FHOD3: variants seen among roughly 807,000 people sequenced by gnomAD.
FHOD3 encodes FH1/FH2 domain-containing protein 3.
A neutral mutation model predicts 173.0 loss-of-function variants in FHOD3; 90 were observed. That is an observed-to-expected ratio of 0.52 (90% CI 0.44 to 0.62). The LOEUF (loss-of-function observed/expected upper bound fraction) is 0.62. FHOD3 is among the 20% of genes least tolerant of loss of function. The probability of loss-of-function intolerance (pLI) is 0.00; values close to 1 mark genes in which losing one functional copy is unlikely to be tolerated. For missense variants in FHOD3, 1,945 were observed against 2,034.7 expected, an observed-to-expected ratio of 0.96 and a Z score of 0.85; for synonymous variants, 828 against 823.0, an observed-to-expected ratio of 1.01 and a Z score of -0.10.
intron 10 of FHOD3, among the ~76,000 whole-genome samples, chr18:36,626,635 C>T (rs2034131016): frequency 1.3e-5 from 2 of 152,166 alleles, no homozygotes; most frequent in South Asian, 4.2e-4. Flanking sequence ...ACATTCCCAT[C>T]CTGCTGCTGA....
chr18:36,772,875 C>A (rs1212531750), intron 28 of FHOD3, among the ~76,000 whole-genome samples: 1 of 152,238 alleles, frequency 6.6e-6, no homozygotes, highest in Non-Finnish European at 1.5e-5. Context: ...TCCAGTAGCA[C>A]CTACTAATTT....
At chr18:36,549,020 T>C (rs1016909478) in intron 5 of FHOD3, among the ~76,000 whole-genome samples, 1 of 152,274 alleles carries the variant, frequency 6.6e-6, no homozygotes, top group Non-Finnish European at 1.5e-5. Flanking sequence ...AAAGGAGTTG[T>C]ACTATTTCAT....
At chr18:36,373,506 C>T (rs1395430849) in intron 3 of FHOD3, among the ~76,000 whole-genome samples, 1 of 152,172 alleles carries the variant, frequency 6.6e-6, no homozygotes, top group East Asian at 1.9e-4. Flanking sequence ...CACTCTGCTT[C>T]CCTATTGGAG....
intron 11 of FHOD3, among the ~76,000 whole-genome samples, chr18:36,650,277 A>G (rs1345374485): frequency 6.6e-6 from 1 of 152,094 alleles, no homozygotes; most frequent in Non-Finnish European, 1.5e-5. Context: ...ATCTTTGCCA[A>G]CTTTAGATTT....
At chr18:36,581,815 A>G (rs2058862934) in intron 6 of FHOD3, among the ~76,000 whole-genome samples, 1 of 152,210 alleles carries the variant, frequency 6.6e-6, no homozygotes, top group Non-Finnish European at 1.5e-5. Context: ...TAGGACTGCA[A>G]AATGAAGAAA....
intron 23 of FHOD3, among the ~76,000 whole-genome samples, chr18:36,744,462 T>G (rs1455066512): frequency 6.6e-6 from 1 of 152,248 alleles, no homozygotes; most frequent in Non-Finnish European, 1.5e-5. Flanking sequence ...CTGCGTCCAC[T>G]GTTAGGCAGT....
intron 3 of FHOD3, among the ~76,000 whole-genome samples, chr18:36,406,348 T>G (rs1266477522): frequency 6.6e-6 from 1 of 152,250 alleles, no homozygotes; most frequent in African/African-American, 2.4e-5. Flanking sequence ...CTTGTTTTAT[T>G]ACTCTTACGT....
At chr18:36,445,002 T>A (rs1046302658) in intron 3 of FHOD3, among the ~76,000 whole-genome samples, 7 of 152,220 alleles carry the variant, frequency 4.6e-5, no homozygotes, top group Non-Finnish European at 1.0e-4. Flanking sequence ...CCATGTAGTT[T>A]AGATGTTTCC....
At chr18:36,299,054 A>T (rs184315515) in intron 1 of FHOD3, among the ~76,000 whole-genome samples, 169 of 132,280 alleles carry the variant, frequency 1.3e-3, no homozygotes, top group Admixed American at 1.9e-3. Context: ...AAATTGATTT[A>T]AAAAAAAACC....
At chr18:36,599,771 A>G (rs971635649) in intron 7 of FHOD3, among the ~76,000 whole-genome samples, 2 of 152,114 alleles carry the variant, frequency 1.3e-5, no homozygotes, top group Non-Finnish European at 2.9e-5. Context: ...CCTGGGGGTA[A>G]ACTGGGTATC....
intron 9 of FHOD3, among the ~76,000 whole-genome samples, chr18:36,622,668 G>A (rs1425711278): frequency 6.6e-6 from 1 of 152,222 alleles, no homozygotes; most frequent in Non-Finnish European, 1.5e-5. Flanking sequence ...CTCCCACGGA[G>A]GATACTCATT....
intron 3 of FHOD3, among the ~76,000 whole-genome samples, chr18:36,378,042 G>A (rs554875220): frequency 2.0e-5 from 3 of 152,298 alleles, no homozygotes; most frequent in South Asian, 4.1e-4. Context: ...CCTCCCTGGT[G>A]GCATCAGGTG....
intron 9 of FHOD3, among the ~76,000 whole-genome samples, chr18:36,616,347 G>A (rs1417284970): frequency 1.3e-5 from 2 of 152,146 alleles, no homozygotes; most frequent in African/African-American, 4.8e-5. Flanking sequence ...CGGATGAATT[G>A]CCCATCAGTG....
chr18:36,364,099 A>C (rs904361389), intron 2 of FHOD3, among the ~76,000 whole-genome samples: 2 of 152,136 alleles, frequency 1.3e-5, no homozygotes, highest in Non-Finnish European at 1.5e-5. Context: ...TTCGTGTTTC[A>C]TCATAGTTAC....
At chr18:36,414,763 C>A (rs750635539) in intron 3 of FHOD3, among the ~76,000 whole-genome samples, 2 of 152,156 alleles carry the variant, frequency 1.3e-5, no homozygotes, top group Non-Finnish European at 1.5e-5. Flanking sequence ...GGAGTTTTAA[C>A]CCTCACAGCC....
At chr18:36,747,299 A>T (rs2042196713) in intron 24 of FHOD3, among the ~76,000 whole-genome samples, 164 bp downstream of exon 24, 2 of 152,198 alleles carry the variant, frequency 1.3e-5, no homozygotes, top group South Asian at 4.1e-4. Context: ...ATGGATAATT[A>T]ATTTTTCTTA....
rs939466580 is a variant in FHOD3 at position 36,749,106 on chromosome 18, CTT to C, written c.4232+1973_4232+1974del. 2.6e-5 allele frequency among the ~76,000 whole-genome samples: 4 copies of C among 152,118 alleles called. No homozygotes were observed. In the South Asian group the frequency reaches 6.2e-4, roughly 24 times the overall value. Reference sequence around the variant, plus strand: ...GATCAAAAAGTTTCAAAAGGTGTCTCTTTGGGTAAAACCTACTTTTTGAAACT... The same window carrying C: ...GATCAAAAAGTTTCAAAAGGTGTCTCTGGGTAAAACCTACTTTTTGAAACT... On this transcript the variant is annotated intron_variant, in intron 24 of 28. Transcript: ENST00000590592.
At chr18:36,397,373 T>C (rs894651150) in intron 3 of FHOD3, among the ~76,000 whole-genome samples, 1 of 152,236 alleles carries the variant, frequency 6.6e-6, no homozygotes, top group Non-Finnish European at 1.5e-5. Context: ...TTTTAGTGTT[T>C]GTAGAAATTG....
chr18:36,320,819 T>G (rs62084112), intron 1 of FHOD3, among the ~76,000 whole-genome samples: 8,664 of 152,338 alleles, frequency 0.057, 340 homozygotes, highest in South Asian at 0.17. Context: ...ACATTTTCAT[T>G]GAGCACCTGC....
Sources: allele counts gnomAD v4.1 joint callset (sites outside exome capture counted in the v4.1 genomes callset), GRCh38; gene constraint gnomAD v4.1.1; transcripts MANE v1.5; gene names NCBI Gene and HGNC (gene_info 2026-07-23, HGNC 2026-07-21).